The following CNIH3 variants were observed in gnomAD, a reference collection of about 807,000 sequenced individuals.
The protein encoded by CNIH3 is protein cornichon homolog 3.
Under a neutral mutation model 24.1 loss-of-function variants are expected in CNIH3, and 14 were observed. The observed-to-expected ratio is 0.58, with a 90% CI of 0.38 to 0.91. The LOEUF (loss-of-function observed/expected upper bound fraction) is 0.91, where lower values mean the gene tolerates loss of function less well. CNIH3 is among the 40% of genes least tolerant of loss of function. The probability of loss-of-function intolerance (pLI) is 0.00; values close to 1 mark genes in which losing one functional copy is unlikely to be tolerated. For missense variants in CNIH3, 178 were observed against 196.8 expected, an observed-to-expected ratio of 0.90 and a Z score of 0.57; for synonymous variants, 68 against 73.8, an observed-to-expected ratio of 0.92 and a Z score of 0.40.
intron 1 of CNIH3, among the ~76,000 whole-genome samples, chr1:224,517,180 G>T (rs1199150792): frequency 3.9e-5 from 6 of 152,094 alleles, no homozygotes; most frequent in Non-Finnish European, 8.8e-5. Flanking sequence ...ATGGAGGTTG[G>T]CGGCGGTGGT....
At chr1:224,667,536 C>A (rs1400878591) in intron 1 of CNIH3, among the ~76,000 whole-genome samples, 1 of 152,114 alleles carries the variant, frequency 6.6e-6, no homozygotes, top group Admixed American at 6.5e-5. Context: ...AAGAGGAAAC[C>A]CCAAAGGCTA....
downstream of CNIH3, among the ~76,000 whole-genome samples, chr1:224,589,624 GA>G (rs1341347271): frequency 1.3e-5 from 2 of 152,204 alleles, no homozygotes; most frequent in Non-Finnish European, 2.9e-5. Flanking sequence ...AACTTTTGAT[GA>G]GAAGAAAAGA....
At chr1:224,564,216 G>C (rs1035166595) in intron 3 of CNIH3, among the ~76,000 whole-genome samples, 1 of 152,128 alleles carries the variant, frequency 6.6e-6, no homozygotes, top group African/African-American at 2.4e-5. Context: ...TCATCACATA[G>C]TATCAATAAC....
chr1:224,667,416 A>G (rs988573756), intron 1 of CNIH3, among the ~76,000 whole-genome samples: 2 of 152,208 alleles, frequency 1.3e-5, no homozygotes, highest in African/African-American at 4.8e-5. Context: ...TCTAAAATTG[A>G]AAGGGGATTC....
intron 1 of CNIH3, among the ~76,000 whole-genome samples, chr1:224,643,099 C>G (rs1485875505): frequency 6.6e-6 from 1 of 152,142 alleles, no homozygotes; most frequent in African/African-American, 2.4e-5. Context: ...ATGGTCGAGG[C>G]GTGTGTTTGG....
intron 4 of CNIH3, among the ~76,000 whole-genome samples, chr1:224,572,912 G>T (rs1680883361): frequency 1.3e-5 from 2 of 152,206 alleles, no homozygotes; most frequent in South Asian, 4.1e-4. Context: ...AGACTGGAGT[G>T]CAACACATTG....
At chr1:224,573,891 T>C (rs545569513) in intron 4 of CNIH3, among the ~76,000 whole-genome samples, 1 of 152,234 alleles carries the variant, frequency 6.6e-6, no homozygotes, top group Non-Finnish European at 1.5e-5. Flanking sequence ...TCTTTTTTTG[T>C]AAATGGTATT....
intron 4 of CNIH3, among the ~76,000 whole-genome samples, chr1:224,581,115 G>A (rs61827075): frequency 0.23 from 34,222 of 152,012 alleles, 4,184 homozygotes; most frequent in Admixed American, 0.33. Flanking sequence ...TGGCTTCCAA[G>A]CTTAATTTTT....
intron 1 of CNIH3, among the ~76,000 whole-genome samples, chr1:224,444,106 T>C (rs1175668171): frequency 1.3e-5 from 2 of 152,288 alleles, no homozygotes; most frequent in East Asian, 3.9e-4. Flanking sequence ...CTGTCCTCTC[T>C]CCTGATTATT....
At chr1:224,680,380 A>C (rs945711612) in intron 1 of CNIH3, among the ~76,000 whole-genome samples, 1 of 152,204 alleles carries the variant, frequency 6.6e-6, no homozygotes, top group Non-Finnish European at 1.5e-5. Context: ...CTGAGTCTTC[A>C]TCCAAAATGA....
At chr1:224,484,531 T>C (rs1335093086) in intron 1 of CNIH3, among the ~76,000 whole-genome samples, 1 of 152,232 alleles carries the variant, frequency 6.6e-6, no homozygotes, top group East Asian at 1.9e-4. Context: ...TGAAGCTTCT[T>C]GTATCTGTGA....
intron 1 of CNIH3, among the ~76,000 whole-genome samples, chr1:224,677,148 C>T (rs755901222): frequency 1.3e-5 from 2 of 152,108 alleles, no homozygotes; most frequent in Non-Finnish European, 2.9e-5. Flanking sequence ...GAGGTAGGTA[C>T]TATTATTGGT....
At chr1:224,556,488 G>A (rs937949206) in intron 3 of CNIH3, among the ~76,000 whole-genome samples, 2 of 152,070 alleles carry the variant, frequency 1.3e-5, no homozygotes, top group African/African-American at 4.8e-5. Context: ...ACTTTTGCTG[G>A]ACCCTCTAGG....
intron 1 of CNIH3, among the ~76,000 whole-genome samples, chr1:224,484,147 G>C (rs1676931388): frequency 6.8e-6 from 1 of 147,736 alleles, no homozygotes; most frequent in Admixed American, 6.8e-5. Context: ...CTCTAGCCTG[G>C]GCAACAAGAG....
intron 4 of CNIH3, among the ~76,000 whole-genome samples, chr1:224,732,136 T>C (rs764461809): frequency 6.6e-6 from 1 of 152,068 alleles, no homozygotes; most frequent in Non-Finnish European, 1.5e-5. Context: ...GAGGGGGTTA[T>C]GGTGGGAACT....
intron 3 of CNIH3, among the ~76,000 whole-genome samples, chr1:224,701,977 G>T (rs1299141500): frequency 6.6e-6 from 1 of 152,060 alleles, no homozygotes; most frequent in Admixed American, 6.6e-5. Context: ...CCCCACCCTT[G>T]TCCTTCCTAA....
chr1:224,557,893 C>T (rs1558158096), intron 3 of CNIH3, among the ~76,000 whole-genome samples: 2 of 152,210 alleles, frequency 1.3e-5, no homozygotes, highest in Non-Finnish European at 2.9e-5. Flanking sequence ...GTCCTTACCA[C>T]AGTCATCTGT....
At chr1:224,667,102 T>C (rs1685632330) in intron 1 of CNIH3, among the ~76,000 whole-genome samples, 2 of 152,216 alleles carry the variant, frequency 1.3e-5, no homozygotes, top group Admixed American at 1.3e-4. Flanking sequence ...ACATAGTAAG[T>C]GCTCATTAAA....
At chr1:224,507,685 T>G (rs1419285091) in intron 1 of CNIH3, among the ~76,000 whole-genome samples, 1 of 152,242 alleles carries the variant, frequency 6.6e-6, no homozygotes. Context: ...AAGGGGTACC[T>G]GGTGTCTTGT....
Sources: allele counts gnomAD v4.1 joint callset (sites outside exome capture counted in the v4.1 genomes callset), GRCh38; gene constraint gnomAD v4.1.1; transcripts MANE v1.5; gene names NCBI Gene and HGNC (gene_info 2026-07-23, HGNC 2026-07-21).